ATP8A2: variants seen among roughly 807,000 people sequenced by gnomAD.
ATP8A2 encodes ATPase phospholipid transporting 8A2.
ATP8A2 carries 100 observed loss-of-function variants against 165.6 expected under a neutral mutation model. That is an observed-to-expected ratio of 0.60 (90% CI 0.51 to 0.71). The LOEUF (loss-of-function observed/expected upper bound fraction) is 0.71. ATP8A2 is among the 30% of genes least tolerant of loss of function. The pLI, the probability that ATP8A2 is intolerant of heterozygous loss-of-function variation, is 0.00. For missense variants in ATP8A2, 1,227 were observed against 1,479.5 expected (o/e 0.83, Z 2.80); for synonymous variants, 543 against 548.8 (o/e 0.99, Z 0.15).
chr13:25,427,543 G>A (rs1205546858), intron 1 of ATP8A2, among the ~76,000 whole-genome samples: 1 of 152,052 alleles, frequency 6.6e-6, no homozygotes, highest in East Asian at 1.9e-4. Flanking sequence ...AAAAAGGTTG[G>A]CAACCACTAC....
At chr13:25,572,856 G>A (rs989875706) in intron 18 of ATP8A2, among the ~76,000 whole-genome samples, 7 of 152,190 alleles carry the variant, frequency 4.6e-5, no homozygotes, top group Non-Finnish European at 7.4e-5. Context: ...TAATAACTTC[G>A]TATGGTTCCT....
At chr13:25,908,590 C>A (rs1016182302) in intron 33 of ATP8A2, among the ~76,000 whole-genome samples, 2 of 152,234 alleles carry the variant, frequency 1.3e-5, no homozygotes, top group African/African-American at 4.8e-5. Context: ...AAATTCCAGA[C>A]GCCCCATGGC....
At chr13:25,484,505 A>T (rs1479375249) in intron 2 of ATP8A2, among the ~76,000 whole-genome samples, 1 of 151,778 alleles carries the variant, frequency 6.6e-6, no homozygotes, top group Non-Finnish European at 1.5e-5. Context: ...TTATTTATTT[A>T]TTTATTTATT....
intron 2 of ATP8A2, among the ~76,000 whole-genome samples, chr13:25,479,803 G>C (rs1419680943): frequency 1.3e-5 from 2 of 151,854 alleles, no homozygotes; most frequent in African/African-American, 4.8e-5. Flanking sequence ...GCACAGGGTT[G>C]GGGGGTAAGG....
chr13:25,508,392 G>A (rs2037117625), intron 2 of ATP8A2, among the ~76,000 whole-genome samples: 1 of 152,116 alleles, frequency 6.6e-6, no homozygotes, highest in African/African-American at 2.4e-5. Flanking sequence ...TCTTTATTGT[G>A]ACGTGTCTCA....
chr13:25,413,784 C>T (rs767502538), intron 1 of ATP8A2, among the ~76,000 whole-genome samples: 19 of 152,146 alleles, frequency 1.2e-4, no homozygotes, highest in Non-Finnish European at 2.1e-4. Flanking sequence ...TGTCTTCCAT[C>T]GCTGGCCAAA....
intron 30 of ATP8A2, among the ~76,000 whole-genome samples, chr13:25,857,916 G>C (rs190710023): frequency 3.3e-5 from 5 of 152,056 alleles, no homozygotes; most frequent in Non-Finnish European, 7.4e-5. Flanking sequence ...ACATTTTATC[G>C]TGTATCTGTT....
chr13:25,880,489 G>A (rs113245490), intron 33 of ATP8A2, among the ~76,000 whole-genome samples: 1,710 of 152,196 alleles, frequency 0.011, 41 homozygotes, highest in African/African-American at 0.038. Flanking sequence ...TACAAGCAAG[G>A]AAAGTTGCTC....
chr13:25,435,937 G>GTGTA (rs148682845), intron 1 of ATP8A2, among the ~76,000 whole-genome samples: 62,347 of 144,166 alleles, frequency 0.43, 13,955 homozygotes, highest in East Asian at 0.63. Context: ...GTGTGAGTGT[G>GTGTA]TGTGTGTGTG....
chr13:25,708,632 C>T (rs1408350565), intron 25 of ATP8A2, among the ~76,000 whole-genome samples: 1 of 152,108 alleles, frequency 6.6e-6, no homozygotes, highest in Non-Finnish European at 1.5e-5. Flanking sequence ...GCTTTACTGT[C>T]CTCCAGTTTG....
At chr13:25,743,202 G>A (rs2043954392) in intron 25 of ATP8A2, among the ~76,000 whole-genome samples, 2 of 152,190 alleles carry the variant, frequency 1.3e-5, no homozygotes, top group Middle Eastern at 3.4e-3. Context: ...GAAGATGAAG[G>A]CAGAGGTTGT....
At chr13:25,406,267 C>T (rs759246336) in intron 1 of ATP8A2, among the ~76,000 whole-genome samples, 7 of 152,188 alleles carry the variant, frequency 4.6e-5, no homozygotes, top group Non-Finnish European at 8.8e-5. Context: ...TATTATCCTT[C>T]AAATCCAGGG....
intron 1 of ATP8A2, among the ~76,000 whole-genome samples, chr13:25,425,189 C>A (rs1388462452): frequency 6.6e-6 from 1 of 152,070 alleles, no homozygotes; most frequent in Non-Finnish European, 1.5e-5. Context: ...ACATAGGCTA[C>A]CCTCTTTTCT....
intron 24 of ATP8A2, among the ~76,000 whole-genome samples, chr13:25,685,030 C>A (rs2042571857): frequency 6.6e-6 from 1 of 152,332 alleles, no homozygotes; most frequent in South Asian, 2.1e-4. Context: ...TTAATCAACT[C>A]ATTTAAATAA....
At chr13:25,851,304 G>A (rs1271296125) in intron 30 of ATP8A2, among the ~76,000 whole-genome samples, 1 of 152,082 alleles carries the variant, frequency 6.6e-6, no homozygotes, top group Non-Finnish European at 1.5e-5. Context: ...ATTGTCAGCC[G>A]GATGCCGTGG....
intron 35 of ATP8A2, among the ~76,000 whole-genome samples, chr13:25,992,816 C>T (rs112726740): frequency 0.033 from 4,971 of 151,494 alleles, 75 homozygotes; most frequent in Non-Finnish European, 0.051. Flanking sequence ...TTAGGTATAT[C>T]TCCCAATGCT....
rs769713590 is a variant in ATP8A2, at chr13:25,469,064, C to A, written c.164C>A (p.Ala55Asp). 6.2e-7 allele frequency: 1 copy of A among 1,614,106 alleles called. No homozygotes were observed. Among genetic ancestry groups the A allele is most frequent in the Non-Finnish European group, 8.5e-7 (1 of 1,179,936 alleles). ...GTTGGAGACCAGCTGGAGGCACCCG[C>A]CCGCACCATTTACCTCAACCAACCG... ...TSVGDQLEAP[A>D]RTIYLNQPHL... Residue 55 changes from alanine to aspartate, a missense_variant, in exon 2 of 37, where the codon GCC becomes GAC. Ala to Asp is a moderately radical substitution (Grantham distance 126). Coordinates refer to ENST00000381655, the MANE Select transcript of ATP8A2 (RefSeq NM_016529.6).
chr13:25,602,315 G>A (rs534981201), intron 24 of ATP8A2, among the ~76,000 whole-genome samples: 2 of 152,150 alleles, frequency 1.3e-5, no homozygotes, highest in Non-Finnish European at 2.9e-5. Context: ...CAGGGCTGGC[G>A]GGGAGGGGAG....
chr13:25,902,367 C>G (rs749101996), intron 33 of ATP8A2, among the ~76,000 whole-genome samples: 9 of 152,088 alleles, frequency 5.9e-5, no homozygotes, highest in Non-Finnish European at 1.2e-4. Flanking sequence ...TCTATATAAG[C>G]AGATTGGGTT....
Sources: allele counts gnomAD v4.1 joint callset (sites outside exome capture counted in the v4.1 genomes callset), GRCh38; gene constraint gnomAD v4.1.1; transcripts MANE v1.5; gene names NCBI Gene and HGNC (gene_info 2026-07-23, HGNC 2026-07-21).